The following PINX1 variants were observed in gnomAD, a reference collection of about 807,000 sequenced individuals.
The protein encoded by PINX1 is PIN2 (TERF1) interacting telomerase inhibitor 1.
PINX1 carries 34 observed loss-of-function variants against 25.4 expected under a neutral mutation model. That is an observed-to-expected ratio of 1.34 (90% CI 1.02 to 1.78). PINX1 has a LOEUF of 1.78. Among genes scored for constraint, PINX1 ranks in the 40% most tolerant of loss-of-function variants. PINX1 has a pLI of 0.00. For missense variants in PINX1, 592 were observed against 404.9 expected, an observed-to-expected ratio of 1.46 and a Z score of -3.97; for synonymous variants, 197 against 147.7, an observed-to-expected ratio of 1.33 and a Z score of -2.42.
At chr8:10,807,327 A>AC (rs58400319) in intron 6 of PINX1, among the ~76,000 whole-genome samples, 5,305 of 31,794 alleles carry the variant, frequency 0.17, 348 homozygotes, top group Middle Eastern at 0.27. Flanking sequence ...TCCCCCCCCC[A>AC]CCCCCCCCCC....
At chr8:10,833,056 A>T in intron 2 of PINX1, 72 bp from the exon 3 acceptor site, 1 of 902,052 alleles carries the variant, frequency 1.1e-6, no homozygotes, top group Non-Finnish European at 1.7e-6. Flanking sequence ...CTGCTACAAA[A>T]CTCACAGATG....
Position 10,826,211 on chromosome 8 carries a change from C to G in PINX1, c.335G>C (p.Ser112Thr), listed in dbSNP as rs749833163. 8.8e-6 allele frequency: 14 copies of G among 1,594,222 alleles called. No individual in the cohort carries two copies. Among genetic ancestry groups the G allele is most frequent in the Non-Finnish European group, 1.1e-5 (13 of 1,165,926 alleles). Residue 112 changes from serine (S) to threonine (T), a missense_variant, in exon 5 of 7, where the codon AGC becomes ACC. Coordinates refer to ENST00000314787, the MANE Select transcript of PINX1 (RefSeq NM_017884.6). Reference protein sequence around the residue: ...SSDKKEKKSFSLEEKSKISKN... With the variant: ...SSDKKEKKSFTLEEKSKISKN... ...GGAGATTTTGGACTTTTCCTCAAGG[C>G]TAAAAGATTTCTTTTCCTTCTTGTC...
intron 6 of PINX1, among the ~76,000 whole-genome samples, chr8:10,786,120 T>A (rs570811921): frequency 1.3e-5 from 2 of 152,338 alleles, no homozygotes; most frequent in East Asian, 3.9e-4. Flanking sequence ...TTTCACATTT[T>A]CATCGATTCA....
chr8:10,802,078 C>T lies in PINX1; in HGVS notation c.471+18115G>A, dbSNP rs79698765. On this transcript the variant is annotated intron_variant, in intron 6 of 6. Coordinates refer to ENST00000314787, the MANE Select transcript of PINX1 (RefSeq NM_017884.6). ...TACAAAGAAGAAAAAGCAAAGGGCC[C>T]AAATGATTCAAAGAAATGAACAAGT... 1.6e-3 allele frequency among the ~76,000 whole-genome samples: 242 copies of T among 151,966 alleles called. 1 individual carries two copies. Among genetic ancestry groups the T allele is most frequent in the African/African-American group, 5.7e-3 (237 of 41,426 alleles).
intron 6 of PINX1, among the ~76,000 whole-genome samples, chr8:10,775,425 T>TTTTTTTTTTTTTTTTTTTTTTTTG (rs1563203289): frequency 7.1e-6 from 1 of 140,592 alleles, no homozygotes; most frequent in African/African-American, 2.6e-5. Flanking sequence ...TTTTTTTTTT[T>TTTTTTTTTTTTTTTTTTTTTTTTG]TTTTTTTTTT....
rs77298046 is a variant in PINX1 at position 10,792,041 on chromosome 8, C to G, written c.472-26125G>C. On this transcript the variant is annotated intron_variant, in intron 6 of 6. Coordinates refer to ENST00000314787, the MANE Select transcript of PINX1 (RefSeq NM_017884.6). ...CCGCCCCCTCTCTCCCGCTCAGGACCAGCAAGGGTAGCGCTGGAGCTTGTC... is the reference window on the plus strand; with the variant it reads ...CCGCCCCCTCTCTCCCGCTCAGGACGAGCAAGGGTAGCGCTGGAGCTTGTC... Among the ~76,000 whole-genome samples the G allele has an allele frequency of 4.7e-3, 713 of 152,308 alleles. 2 individuals are homozygous for G. The highest frequency in any genetic ancestry group is 0.016 in the African/African-American group (680 of 41,566).
intron 6 of PINX1, among the ~76,000 whole-genome samples, chr8:10,781,509 T>C (rs540684578): frequency 3.9e-5 from 6 of 152,216 alleles, no homozygotes; most frequent in African/African-American, 1.2e-4. Flanking sequence ...AGCAAGAAAA[T>C]ACATAACCTG....
chr8:10,810,108 A>C (rs369179506), intron 6 of PINX1, among the ~76,000 whole-genome samples: 1 of 152,176 alleles, frequency 6.6e-6, no homozygotes, highest in Non-Finnish European at 1.5e-5. Context: ...TACCATGAGG[A>C]TATCAAGTCA....
chr8:10,799,340 C>G (rs1354685949), intron 6 of PINX1, among the ~76,000 whole-genome samples: 1 of 152,176 alleles, frequency 6.6e-6, no homozygotes, highest in Non-Finnish European at 1.5e-5. Context: ...CACGTGTTTG[C>G]TGTTGCTTTT....
chr8:10,765,987 C>T (rs1801030223), intron 6 of PINX1, 71 bp from the exon 7 acceptor site: 8 of 1,478,914 alleles, frequency 5.4e-6, no homozygotes, highest in Middle Eastern at 2.3e-4. Context: ...CCAGGAGGCA[C>T]CCACACCCGG....
chr8:10,825,072 C>T (rs1045368729), intron 5 of PINX1, among the ~76,000 whole-genome samples: 2 of 152,196 alleles, frequency 1.3e-5, no homozygotes, highest in African/African-American at 4.8e-5. Context: ...GAGGCCCAGC[C>T]TCTCCCTGCA....
At chr8:10,819,578 C>T (rs566049603) in intron 6 of PINX1, among the ~76,000 whole-genome samples, 1 of 152,294 alleles carries the variant, frequency 6.6e-6, no homozygotes, top group East Asian at 1.9e-4. Context: ...AAATTCTTTG[C>T]AATATTATAC....
chr8:10,816,207 T>C (rs1797691878), intron 6 of PINX1, among the ~76,000 whole-genome samples: 1 of 152,234 alleles, frequency 6.6e-6, no homozygotes, highest in Non-Finnish European at 1.5e-5. Flanking sequence ...TATGAGCAGA[T>C]GGTACCAATG....
At chr8:10,793,028 CGT>C (rs1380406467) in intron 6 of PINX1, among the ~76,000 whole-genome samples, 1 of 152,114 alleles carries the variant, frequency 6.6e-6, no homozygotes, top group Non-Finnish European at 1.5e-5. Flanking sequence ...TCCAAATGAA[CGT>C]GTTTCCCGGC....
At chr8:10,778,537 C>T (rs572840352) in intron 6 of PINX1, among the ~76,000 whole-genome samples, 1 of 152,220 alleles carries the variant, frequency 6.6e-6, no homozygotes, top group Admixed American at 6.5e-5. Context: ...TTTCCAATGC[C>T]AGCATGTTGT....
chr8:10,839,605 G>T, intron 1 of PINX1, 133 bp downstream of exon 1: 3 of 894,338 alleles, frequency 3.4e-6, no homozygotes, highest in Non-Finnish European at 5.3e-6. Flanking sequence ...AGCCGGGCTC[G>T]GCTCCCCGGT....
rs147183386 is a variant in PINX1 at position 10,817,030 on chromosome 8, C to G, written c.471+3163G>C. The stretch of plus-strand genomic sequence containing the variant: ...GGAATTCTACGATGGCAGTCAGGAG[C>G]TGTAGAAATTAAAATCAGTAGGCTT... On this transcript the variant is annotated intron_variant, in intron 6 of 6. Coordinates refer to ENST00000314787, the MANE Select transcript of PINX1 (RefSeq NM_017884.6). Among the ~76,000 whole-genome samples the G allele has an allele frequency of 7.0e-3, 1,063 of 152,278 alleles. 6 individuals are homozygous for G. The highest frequency in any genetic ancestry group is 0.01 in the Non-Finnish European group (698 of 68,022).
At chr8:10,817,538 G>C (rs185727194) in intron 6 of PINX1, among the ~76,000 whole-genome samples, 1 of 152,294 alleles carries the variant, frequency 6.6e-6, no homozygotes, top group Non-Finnish European at 1.5e-5. Context: ...AGGTCATTTT[G>C]CTTTATAGAA....
At chr8:10,787,901 A>G (rs1265878663) in intron 6 of PINX1, 4 of 445,830 alleles carry the variant, frequency 9.0e-6, no homozygotes, top group African/African-American at 2.0e-5. Context: ...ATTAATCTAT[A>G]ATATACAGAC....
Sources: gnomAD v4.1 joint callset for allele counts (sites outside exome capture counted in the v4.1 genomes callset) on GRCh38, gnomAD v4.1.1 for gene constraint, MANE v1.5 for transcripts, NCBI Gene and HGNC (gene_info 2026-07-23, HGNC 2026-07-21) for gene names.